NCOR1: variants seen among roughly 807,000 people sequenced by gnomAD.
The protein encoded by NCOR1 is protein phosphatase 1, regulatory subunit 109.
Under a neutral mutation model 288.1 loss-of-function variants are expected in NCOR1, and 63 were observed. The ratio of observed to expected loss-of-function variants is 0.22; its 90% CI spans 0.18 to 0.27. The LOEUF (loss-of-function observed/expected upper bound fraction) is 0.27. Ranked by LOEUF, NCOR1 falls within the 10% of genes least tolerant of loss-of-function variation. The pLI, the probability that NCOR1 is intolerant of heterozygous loss-of-function variation, is 1.00. For missense variants in NCOR1, 2,397 were observed against 3,019.2 expected (o/e 0.79, Z 4.83); for synonymous variants, 1,007 against 1,065.9 (o/e 0.94, Z 1.08).
At chr17:16,183,244 A>C (rs1468263573) in intron 3 of NCOR1, among the ~76,000 whole-genome samples, 1 of 150,150 alleles carries the variant, frequency 6.7e-6, no homozygotes, top group Non-Finnish European at 1.5e-5. Flanking sequence ...AAAAAAAAAA[A>C]AGAAAAGAAA....
chr17:16,067,845 C>CT, intron 32 of NCOR1, 49 bp downstream of exon 32: 1 of 1,508,962 alleles, frequency 6.6e-7, no homozygotes, highest in Non-Finnish European at 9.0e-7. Context: ...AAAAGTCATA[C>CT]TGGTGGCATA....
At chr17:16,138,049 CTT>C (rs1006371645) in intron 13 of NCOR1, 107 bp downstream of exon 13, 1 of 807,734 alleles carries the variant, frequency 1.2e-6, no homozygotes, top group African/African-American at 1.8e-5. Context: ...TCTTCGCAGT[CTT>C]TTTAAAATCG....
intron 27 of NCOR1, among the ~76,000 whole-genome samples, chr17:16,073,820 A>C: frequency 6.6e-6 from 1 of 152,234 alleles, no homozygotes; most frequent in Admixed American, 6.5e-5. Flanking sequence ...TTTCTGCATG[A>C]AACTTACACA....
rs1568198000 is a variant in NCOR1 at position 16,127,353 on chromosome 17, GTATGTATATATACATGTATGTATA to G, written c.1510-1171_1510-1148del. ...TGTATATATACATGTATGTATATAT[GTATGTATATATACATGTATGTATA>G]TATGTATGTATATATACATGTGTAT... On this transcript the variant is annotated intron_variant, in intron 14 of 45. Transcript: ENST00000268712. Among the ~76,000 whole-genome samples the G allele has an allele frequency of 7.3e-4, 102 of 140,086 alleles. 32 individuals are homozygous for G. Among genetic ancestry groups the G allele is most frequent in the African/African-American group, 2.5e-3 (92 of 36,654 alleles). The allele number at this position is 140,086 out of a possible 152,430, so 91.9% of individuals were successfully genotyped here.
chr17:16,185,664 C>G (rs1385357525), intron 3 of NCOR1, among the ~76,000 whole-genome samples: 5 of 97,160 alleles, frequency 5.1e-5, no homozygotes, highest in Non-Finnish European at 9.2e-5. Flanking sequence ...GCCTGGGTGA[C>G]AAGAGTGAGA....
At chr17:16,176,257 T>C (rs536142222) in intron 3 of NCOR1, among the ~76,000 whole-genome samples, 91 of 151,836 alleles carry the variant, frequency 6.0e-4, no homozygotes, top group Non-Finnish European at 1.2e-3. Context: ...TTCTTTCAGG[T>C]TTTTTGTTTT....
At chr17:16,207,644 G>A (rs2091669957) in intron 1 of NCOR1, among the ~76,000 whole-genome samples, 1 of 151,578 alleles carries the variant, frequency 6.6e-6, no homozygotes. Context: ...TGGAGGCTGA[G>A]GCAGGAGAAT....
At chr17:16,145,871 G>A (rs538479300) in intron 10 of NCOR1, among the ~76,000 whole-genome samples, 3 of 152,232 alleles carry the variant, frequency 2.0e-5, no homozygotes, top group Non-Finnish European at 2.9e-5. Flanking sequence ...GAAATGTGGC[G>A]AGAGTAGAGG....
intron 2 of NCOR1, 101 bp downstream of exon 2, chr17:16,194,361 A>G (rs2089303518): frequency 1.5e-6 from 1 of 670,868 alleles, no homozygotes; most frequent in South Asian, 2.6e-5. Context: ...TAAAAAAAAA[A>G]AAGATAAATT....
intron 7 of NCOR1, 88 bp downstream of exon 7, chr17:16,153,251 T>C: frequency 1.1e-6 from 1 of 938,002 alleles, no homozygotes; most frequent in Non-Finnish European, 1.6e-6. Flanking sequence ...TATCCCAAAA[T>C]AAATGGATCA....
intron 23 of NCOR1, among the ~76,000 whole-genome samples, chr17:16,081,257 G>A (rs1470591853): frequency 6.8e-6 from 1 of 145,990 alleles, no homozygotes; most frequent in East Asian, 2.0e-4. Flanking sequence ...ACCCAGGCTG[G>A]AGTGCAGTGG....
chr17:16,054,088 A>AC (rs1401358073), intron 40 of NCOR1, among the ~76,000 whole-genome samples: 1 of 150,058 alleles, frequency 6.7e-6, no homozygotes, highest in African/African-American at 2.4e-5. Flanking sequence ...AAAAAAAAAA[A>AC]AAAAACTATA....
At chr17:16,207,702 C>CTG (rs1164916371) in intron 1 of NCOR1, among the ~76,000 whole-genome samples, 4 of 146,714 alleles carry the variant, frequency 2.7e-5, no homozygotes, top group African/African-American at 5.1e-5. Context: ...GACCGCGCCA[C>CTG]TGCACTCCAG....
chr17:16,074,545 T>C (rs995070580), intron 27 of NCOR1, among the ~76,000 whole-genome samples: 2 of 152,154 alleles, frequency 1.3e-5, no homozygotes, highest in East Asian at 3.8e-4. Flanking sequence ...GCCAGACGTG[T>C]AAAGGAGAGT....
At chr17:16,203,552 T>C (rs1217256095) in intron 1 of NCOR1, among the ~76,000 whole-genome samples, 1 of 152,212 alleles carries the variant, frequency 6.6e-6, no homozygotes, top group Non-Finnish European at 1.5e-5. Context: ...CACAAGTTAC[T>C]CTCAATCACA....
In NCOR1 at chr17:16,202,223, CAA is replaced by C. The variant is rs35812448; in HGVS notation, c.-70-7586_-70-7585del. 5.9e-4 allele frequency among the ~76,000 whole-genome samples: 57 copies of C among 97,390 alleles called. No homozygotes were observed. In the South Asian group the frequency reaches 0.013, roughly 22 times the overall value. 63.9% of individuals were successfully genotyped at this position (97,390 alleles called of 152,430 possible). A position where few individuals can be genotyped will look rare whatever the true frequency, so the allele number is the denominator to read the frequency against. ...TGGGCAAAAGGGCGAGACTCCATCT[CAA>C]AAAAAAAAAAAAAAAAATACAAAAA... On this transcript the variant is annotated intron_variant, in intron 1 of 45. Transcript: ENST00000268712.
chr17:16,153,442 T>A, intron 6 of NCOR1, 47 bp from the exon 7 acceptor site: 4 of 1,232,830 alleles, frequency 3.2e-6, no homozygotes, highest in Non-Finnish European at 4.6e-6. Flanking sequence ...AATTACATTA[T>A]CTAAGTGCAA....
intron 19 of NCOR1, among the ~76,000 whole-genome samples, chr17:16,106,883 A>ATATATATT (rs1164118180): frequency 2.9e-4 from 9 of 31,412 alleles, no homozygotes; most frequent in Non-Finnish European, 4.6e-4. Context: ...ATATATATAT[A>ATATATATT]TTTTTTTTTT....
intron 41 of NCOR1, 124 bp downstream of exon 41, chr17:16,048,721 C>T: frequency 9.8e-7 from 1 of 1,018,762 alleles, no homozygotes; most frequent in Non-Finnish European, 1.3e-6. Context: ...ACAAATGATC[C>T]TCTAAGAATG....
Sources: allele counts gnomAD v4.1 joint callset (sites outside exome capture counted in the v4.1 genomes callset), GRCh38; gene constraint gnomAD v4.1.1; transcripts MANE v1.5; gene names NCBI Gene and HGNC (gene_info 2026-07-23, HGNC 2026-07-21).